FAM50B: variants seen among roughly 807,000 people sequenced by gnomAD.
FAM50B encodes family with sequence similarity 50 member B.
In FAM50B, 9 loss-of-function variants were observed where a neutral mutation model predicts 25.4. The observed-to-expected ratio is 0.35, with a 90% CI of 0.21 to 0.62. FAM50B has a LOEUF of 0.62. Ranked by LOEUF, FAM50B falls within the 20% of genes least tolerant of loss-of-function variation. The pLI is 0.73. For synonymous variants in FAM50B, 212 were observed against 204.3 expected, an observed-to-expected ratio of 1.04 and a Z score of -0.32; for missense variants, 372 against 477.9, an observed-to-expected ratio of 0.78 and a Z score of 2.07.
At chr6:3,847,985 G>A (rs944677584), upstream of FAM50B, among the ~76,000 whole-genome samples, 1 of 152,184 alleles carries the variant, frequency 6.6e-6, no homozygotes, top group Admixed American at 6.5e-5. Context: ...ATCAATAAAC[G>A]TCTTTGTCTT....
At chr6:3,849,694 A>G (rs1369015703) in intron 1 of FAM50B, 95 bp from the exon 2 acceptor site, 2 of 1,433,396 alleles carry the variant, frequency 1.4e-6, no homozygotes, top group Non-Finnish European at 1.8e-6. Context: ...CGCTTCCATC[A>G]CTGCCGAAAG....
chr6:3,834,948 A>T, the FAM50B span, among the ~76,000 whole-genome samples: 1 of 151,960 alleles, frequency 6.6e-6, no homozygotes, highest in African/African-American at 2.4e-5. Context: ...CAGGTGTAGA[A>T]CTGCATAGAG....
rs1336363800 is a variant in FAM50B, at chr6:3,849,871, G to A, written c.60G>A (p.Lys20=). The A allele has an allele frequency of 6.2e-7, 1 of 1,613,662 alleles. No homozygotes were observed. The highest frequency in any genetic ancestry group is 2.2e-5 in the East Asian group (1 of 44,880). ...EAGRAMHLLK[K]RERQREQMEV... ...GCCGTGCCATGCACCTCCTCAAGAA[G>A]CGCGAAAGGCAGCGGGAGCAGATGG... Residue 20 remains lysine (K), a synonymous_variant, in exon 2 of 2, where the codon AAG becomes AAA. Transcript: ENST00000648326.
upstream of FAM50B, among the ~76,000 whole-genome samples, chr6:3,845,538 AT>A (rs1554117615): frequency 6.6e-5 from 10 of 152,310 alleles, no homozygotes; most frequent in Non-Finnish European, 7.4e-5. Context: ...AATAAAGGTA[AT>A]TATATGGGAA....
chr6:3,840,422 G>A, the FAM50B span, among the ~76,000 whole-genome samples: 1 of 151,656 alleles, frequency 6.6e-6, no homozygotes, highest in East Asian at 2.0e-4. Flanking sequence ...GCAGTGAGCC[G>A]AGATCACGCC....
intron 1 of FAM50B, 23 bp from the exon 2 acceptor site, chr6:3,849,766 C>T (rs1452324408): frequency 1.3e-6 from 2 of 1,548,028 alleles, no homozygotes; most frequent in Non-Finnish European, 1.7e-6. Context: ...CTCTACCTGC[C>T]GCGTTTTTCC....
Position 3,850,034 on chromosome 6 carries a change from G to T in FAM50B, c.223G>T (p.Ala75Ser), listed in dbSNP as rs1425251734. 1.9e-6 allele frequency: 3 copies of T among 1,613,164 alleles called. No individual in the cohort carries two copies. Among genetic ancestry groups the T allele is most frequent in the Non-Finnish European group, 2.5e-6 (3 of 1,179,700 alleles). The change falls in exon 2 of 2, where the codon GCC (alanine) becomes TCC (serine). Residue 75 changes from alanine (A) to serine (S), a missense_variant. Ala to Ser is a moderately conservative substitution (Grantham distance 99). Coordinates refer to ENST00000648326, the MANE Select transcript of FAM50B (RefSeq NM_012135.3). ...VGLVTLNDMK[A>S]RQEALVRERE... Reference sequence around the variant, plus strand: ...CCTGGTGACCCTGAACGACATGAAGGCCCGGCAGGAGGCCCTGGTCAGGGA... The same window carrying T: ...CCTGGTGACCCTGAACGACATGAAGTCCCGGCAGGAGGCCCTGGTCAGGGA...
At chr6:3,847,455 A>C (rs761500904), upstream of FAM50B, among the ~76,000 whole-genome samples, 6 of 152,252 alleles carry the variant, frequency 3.9e-5, no homozygotes, top group Non-Finnish European at 7.3e-5. Context: ...TGCTACCTTC[A>C]GACTTTTCTT....
chr6:3,841,843 C>G, the FAM50B span, among the ~76,000 whole-genome samples: 3 of 152,356 alleles, frequency 2.0e-5, no homozygotes, highest in South Asian at 6.2e-4. Context: ...CAGCAGTCAT[C>G]CTGGAAAGCA....
the FAM50B span, among the ~76,000 whole-genome samples, chr6:3,833,380 G>A: frequency 2.0e-5 from 3 of 152,206 alleles, no homozygotes; most frequent in Non-Finnish European, 4.4e-5. Context: ...AGATAAATGT[G>A]TTAGCAGCTA....
rs906259732 is a variant in FAM50B, at chr6:3,850,833, C to A, written c.*44C>A. The A allele has an allele frequency of 2.2e-5, 35 of 1,595,972 alleles. No homozygotes were observed. The highest frequency in any genetic ancestry group is 2.9e-5 in the Non-Finnish European group (34 of 1,171,008). ...GAAACCGGGGGTGGGGGGAGACACTCATTTCTAGGCCCCATCACCAGTCAC... is the reference window on the plus strand; with the variant it reads ...GAAACCGGGGGTGGGGGGAGACACTAATTTCTAGGCCCCATCACCAGTCAC... On this transcript the variant is annotated 3_prime_UTR_variant, in exon 2 of 2. Transcript: ENST00000648326.
Position 3,850,291 on chromosome 6 carries a change from G to A in FAM50B, c.480G>A (p.Glu160=), listed in dbSNP as rs1291772543. 1.2e-6 allele frequency: 2 copies of A among 1,613,302 alleles called. No individual in the cohort carries two copies. The highest frequency in any genetic ancestry group is 8.5e-7 in the Non-Finnish European group (1 of 1,179,782). Residue 160 remains glutamate (E), a synonymous_variant, in exon 2 of 2, where the codon GAG becomes GAA. Transcript: ENST00000648326. ...TCCTGCCAGACCGCGACCGCGAGGA[G>A]GAGGAGAACCGGCTCCGAGAGGAGC... The part of the protein sequence containing the change: ...TSFLPDRDRE[E]EENRLREELR...
the FAM50B span, among the ~76,000 whole-genome samples, chr6:3,837,293 G>C: frequency 6.6e-6 from 1 of 152,168 alleles, no homozygotes; most frequent in African/African-American, 2.4e-5. Flanking sequence ...AGAGAAGTTA[G>C]ATTGGTAGAA....
upstream of FAM50B, among the ~76,000 whole-genome samples, chr6:3,845,899 T>C (rs1260662462): frequency 1.3e-5 from 2 of 152,064 alleles, no homozygotes; most frequent in African/African-American, 4.8e-5. Context: ...TTATTTTTAT[T>C]TTTATTAGAG....
intron 1 of FAM50B, 113 bp from the exon 2 acceptor site, chr6:3,849,676 C>A: frequency 3.5e-6 from 5 of 1,416,502 alleles, no homozygotes; most frequent in Non-Finnish European, 3.7e-6. Context: ...GTCGGCCCAG[C>A]CCCTGAACGC....
At chr6:3,840,488 A>C in the FAM50B span, among the ~76,000 whole-genome samples, 1 of 152,122 alleles carries the variant, frequency 6.6e-6, no homozygotes, top group African/African-American at 2.4e-5. Context: ...AAACAAAAAA[A>C]ACATAGCATA....
At chr6:3,847,200 T>C (rs1176941277), upstream of FAM50B, among the ~76,000 whole-genome samples, 1 of 152,236 alleles carries the variant, frequency 6.6e-6, no homozygotes, top group Non-Finnish European at 1.5e-5. Flanking sequence ...ACCTGTCCTT[T>C]GAAGCCATGA....
At chr6:3,840,286 T>C in the FAM50B span, among the ~76,000 whole-genome samples, 40,846 of 151,768 alleles carry the variant, frequency 0.27, 5,839 homozygotes, top group East Asian at 0.37. Context: ...AGCCACCACG[T>C]CCTGCCAAAA....
At chr6:3,835,763 C>T in the FAM50B span, among the ~76,000 whole-genome samples, 2 of 152,180 alleles carry the variant, frequency 1.3e-5, no homozygotes, top group African/African-American at 2.4e-5. Flanking sequence ...AGAAAACTTA[C>T]GTAACTTCCT....
Sources: gnomAD v4.1 joint callset for allele counts (sites outside exome capture counted in the v4.1 genomes callset) on GRCh38, gnomAD v4.1.1 for gene constraint, MANE v1.5 for transcripts, NCBI Gene and HGNC (gene_info 2026-07-23, HGNC 2026-07-21) for gene names.